Variants in ELOVL2 observed in about 807,000 individuals in gnomAD.
The protein encoded by ELOVL2 is ELOVL fatty acid elongase 2.
Under a neutral mutation model 37.7 loss-of-function variants are expected in ELOVL2, and 38 were observed. The ratio of observed to expected loss-of-function variants is 1.01; its 90% CI spans 0.78 to 1.32. The LOEUF is 1.32. Ranked by LOEUF, ELOVL2 falls within the 40% of genes most tolerant of loss-of-function variation. ELOVL2 has a pLI of 0.00. For missense variants in ELOVL2, 352 were observed against 363.6 expected, an observed-to-expected ratio of 0.97 and a Z score of 0.26; for synonymous variants, 115 against 122.3, an observed-to-expected ratio of 0.94 and a Z score of 0.40.
intron 2 of ELOVL2, among the ~76,000 whole-genome samples, chr6:11,008,954 A>C (rs1181983265): frequency 6.6e-6 from 1 of 152,202 alleles, no homozygotes; most frequent in Non-Finnish European, 1.5e-5. Context: ...TCACTCCTCC[A>C]ATAGGGCTGA....
chr6:10,993,428 T>G (rs1236618678), intron 5 of ELOVL2, among the ~76,000 whole-genome samples: 1 of 151,862 alleles, frequency 6.6e-6, no homozygotes, highest in Non-Finnish European at 1.5e-5. Context: ...TATATATACA[T>G]TATCCAATTA....
intron 1 of ELOVL2, 55 bp from the exon 2 acceptor site, chr6:11,010,864 G>A (rs536650461): frequency 4.2e-6 from 6 of 1,421,784 alleles, no homozygotes; most frequent in Admixed American, 3.7e-5. Flanking sequence ...TTTTTGAAAC[G>A]GTCAAAACAA....
intron 3 of ELOVL2, among the ~76,000 whole-genome samples, chr6:11,003,758 T>C (rs1782429830): frequency 6.6e-6 from 1 of 152,196 alleles, no homozygotes; most frequent in African/African-American, 2.4e-5. Context: ...CAGTGTCAAG[T>C]AGATTCGTGA....
At chr6:11,008,868 T>C (rs1782523865) in intron 2 of ELOVL2, among the ~76,000 whole-genome samples, 1 of 152,070 alleles carries the variant, frequency 6.6e-6, no homozygotes, top group South Asian at 2.1e-4. Flanking sequence ...ATGGAGAAAA[T>C]GGAGAATGGC....
chr6:11,007,472 G>A (rs765722650), intron 2 of ELOVL2, among the ~76,000 whole-genome samples: 2 of 152,150 alleles, frequency 1.3e-5, no homozygotes, highest in Non-Finnish European at 2.9e-5. Flanking sequence ...GAACACCAGA[G>A]ATTGCCACCA....
intron 5 of ELOVL2, 33 bp from the exon 6 acceptor site, chr6:10,990,475 TC>T: frequency 1.3e-6 from 2 of 1,547,306 alleles, no homozygotes; most frequent in South Asian, 1.3e-5. Flanking sequence ...TCACTATTCT[TC>T]CAGGAAGGAC....
chr6:11,020,268 T>C (rs1005157975), intron 1 of ELOVL2, among the ~76,000 whole-genome samples: 9 of 152,160 alleles, frequency 5.9e-5, no homozygotes, highest in African/African-American at 1.4e-4. Flanking sequence ...TATCATGATA[T>C]AAAATGACTA....
intron 1 of ELOVL2, among the ~76,000 whole-genome samples, chr6:11,019,784 C>T (rs1408709251): frequency 6.7e-6 from 1 of 149,838 alleles, no homozygotes; most frequent in East Asian, 1.9e-4. Flanking sequence ...CACTTCTTTG[C>T]CCAGGCTGGA....
chr6:10,995,119 A>C lies in ELOVL2; in HGVS notation c.393T>G (p.Ile131Met), dbSNP rs1453587261. 1 of 1,613,692 alleles carries C rather than the reference A, an allele frequency of 6.2e-7. No homozygotes were observed. The highest frequency in any genetic ancestry group is 8.5e-7 in the Non-Finnish European group (1 of 1,179,686). ...TCGTTTTTTTCCGCAAAACGAAGAAAATTGTGTCCAGGAACTCTACTGATT... is the reference window on the plus strand; with the variant it reads ...TCGTTTTTTTCCGCAAAACGAAGAACATTGTGTCCAGGAACTCTACTGATT... The part of the protein sequence containing the change: ...FSKSVEFLDT[I>M]FFVLRKKTSQ... Residue 131 changes from isoleucine (I) to methionine (M), a missense_variant, in exon 5 of 8, where the codon ATT becomes ATG. Ile to Met is a conservative substitution (Grantham distance 10). Transcript: ENST00000354666.
chr6:10,999,635 A>G (rs1782341919), intron 4 of ELOVL2, among the ~76,000 whole-genome samples: 1 of 152,260 alleles, frequency 6.6e-6, no homozygotes, highest in South Asian at 2.1e-4. Context: ...CAGCCTCCCA[A>G]AGTGCTGGGA....
At chr6:11,039,573 TG>T (rs2113570213) in intron 1 of ELOVL2, among the ~76,000 whole-genome samples, 1 of 152,332 alleles carries the variant, frequency 6.6e-6, no homozygotes, top group Non-Finnish European at 1.5e-5. Context: ...TCTTTTCTTA[TG>T]TTAGAAATAT....
chr6:10,994,418 A>G (rs560201002), intron 5 of ELOVL2, among the ~76,000 whole-genome samples: 1 of 149,642 alleles, frequency 6.7e-6, no homozygotes, highest in East Asian at 2.0e-4. Flanking sequence ...CAGTGAGCTG[A>G]GATCGCGCCA....
intron 1 of ELOVL2, among the ~76,000 whole-genome samples, chr6:11,025,348 G>A (rs1581878122): frequency 6.6e-6 from 1 of 152,020 alleles, no homozygotes; most frequent in South Asian, 2.1e-4. Context: ...CTTCATATAT[G>A]GCGCCAATGT....
chr6:10,989,834 G>A lies in ELOVL2; in HGVS notation c.634C>T (p.Gln212Ter), dbSNP rs1374746007. The change falls in exon 7 of 8, where the codon CAG becomes TAG. Residue 212 changes from glutamine (Q) to a stop codon, truncating the protein, a stop_gained. Coordinates refer to ENST00000354666, the MANE Select transcript of ELOVL2 (RefSeq NM_017770.4). LOFTEE classifies it high-confidence loss of function. The stretch of plus-strand genomic sequence containing the variant: ...GTGTGCGTGATGGTGAGCACGAACT[G>A]CACCTGGGGACGGCAGAGAGGGCAT... ...KKYLTQAQLV[Q>*]FVLTITHTMS... 1.2e-6 allele frequency: 2 copies of A among 1,613,938 alleles called. No homozygotes were observed. Among genetic ancestry groups the A allele is most frequent in the African/African-American group, 2.7e-5 (2 of 74,916 alleles).
chr6:11,006,424 T>C (rs568721135), intron 2 of ELOVL2, among the ~76,000 whole-genome samples: 1 of 152,376 alleles, frequency 6.6e-6, no homozygotes, highest in South Asian at 2.1e-4. Context: ...TTGTGTTCTC[T>C]ATTCTGCTCT....
intron 7 of ELOVL2, among the ~76,000 whole-genome samples, chr6:10,985,130 T>A (rs1172334589): frequency 1.3e-5 from 2 of 152,242 alleles, no homozygotes; most frequent in African/African-American, 4.8e-5. Context: ...GTGAGCATTT[T>A]TTCATGTGTT....
In ELOVL2 at chr6:11,005,535, A is replaced by C. The variant is rs768124325; in HGVS notation, c.92T>G (p.Met31Arg). The change falls in exon 3 of 8, where the codon ATG becomes AGG. Residue 31 changes from methionine to arginine, a missense_variant. Physicochemically the swap from Met to Arg is moderately conservative, Grantham distance 91 (BLOSUM62 -1). Transcript: ENST00000354666. ...AAAGGTAGGAAGGTAAGAGTCCAAC[A>C]TGAACCACCCTCTGACTCGAGAATC... is the stretch of plus-strand genomic sequence containing the variant. ...PRDSRVRGWF[M>R]LDSYLPTFFL... 6.2e-7 allele frequency: 1 copy of C among 1,613,776 alleles called. No homozygotes were observed. Among genetic ancestry groups the C allele is most frequent in the South Asian group, 1.1e-5 (1 of 90,938 alleles).
intron 1 of ELOVL2, among the ~76,000 whole-genome samples, chr6:11,011,829 G>A (rs751334624): frequency 7.2e-5 from 11 of 152,184 alleles, no homozygotes; most frequent in African/African-American, 1.4e-4. Flanking sequence ...TCCCAGCTCC[G>A]CCACAGAGGT....
rs192837200 is a variant in ELOVL2, at chr6:11,016,570, C to T, written c.4-5761G>A. ...ACCTAACACAATTCTAACAACTTCC[C>T]AGGAACCTCAAGGTCAAGGCTGAGC... is the stretch of plus-strand genomic sequence containing the variant. On this transcript the variant is annotated intron_variant, in intron 1 of 7. Transcript: ENST00000354666. Among the ~76,000 whole-genome samples, 432 of 152,226 alleles carry T rather than the reference C, an allele frequency of 2.8e-3. 1 individual carries two copies. Among genetic ancestry groups the T allele is most frequent in the Non-Finnish European group, 4.6e-3 (316 of 68,014 alleles).
Sources: gnomAD v4.1 joint callset for allele counts (sites outside exome capture counted in the v4.1 genomes callset) on GRCh38, gnomAD v4.1.1 for gene constraint, MANE v1.5 for transcripts, NCBI Gene and HGNC (gene_info 2026-07-23, HGNC 2026-07-21) for gene names.